RABGAP1L: variants seen among roughly 807,000 people sequenced by gnomAD.
RABGAP1L encodes the protein rab GTPase-activating protein 1-like.
A neutral mutation model predicts 137.7 loss-of-function variants in RABGAP1L; 63 were observed. The ratio of observed to expected loss-of-function variants is 0.46; its 90% CI spans 0.37 to 0.56. The LOEUF (loss-of-function observed/expected upper bound fraction) is 0.56, where lower values mean the gene tolerates loss of function less well. Ranked by LOEUF, RABGAP1L falls within the 20% of genes least tolerant of loss-of-function variation. RABGAP1L has a pLI of 0.00. For synonymous variants in RABGAP1L, 431 were observed against 433.7 expected (o/e 0.99, Z 0.08); for missense variants, 1,095 against 1,244.0 (o/e 0.88, Z 1.80).
chr1:174,658,074 C>T (rs1228352419), intron 14 of RABGAP1L, among the ~76,000 whole-genome samples: 1 of 152,138 alleles, frequency 6.6e-6, no homozygotes. Context: ...TGTTAGTTTT[C>T]AAGGTTATCA....
rs1667275182 is a variant in RABGAP1L at position 174,948,701 on chromosome 1, A to C, written c.2341-8756A>C. ...TCCACAAATATTAAGATTAAAAAAA[A>C]GATAAAGGTGACTGATCATACCTCA... On this transcript the variant is annotated intron_variant, in intron 19 of 25. Transcript: ENST00000681986. 3 of 152,140 alleles carry C rather than the reference A, an allele frequency of 2.0e-5. No homozygotes were observed. In the South Asian group the frequency reaches 6.2e-4, roughly 31 times the overall value. The allele number at this position is 152,140 out of a possible 1,614,324, so 9.4% of individuals were successfully genotyped here.
At chr1:174,321,767 C>A (rs531859143) in intron 11 of RABGAP1L, among the ~76,000 whole-genome samples, 3 of 152,170 alleles carry the variant, frequency 2.0e-5, no homozygotes, top group East Asian at 1.9e-4. Flanking sequence ...TTTGGCCTTA[C>A]TAGTTTAAAA....
intron 13 of RABGAP1L, among the ~76,000 whole-genome samples, chr1:174,557,159 AT>A (rs1482349480): frequency 6.6e-6 from 1 of 152,068 alleles, no homozygotes; most frequent in Non-Finnish European, 1.5e-5. Context: ...ATTTCCCATG[AT>A]TTTCCTAAGT....
intron 11 of RABGAP1L, among the ~76,000 whole-genome samples, chr1:174,370,590 G>C (rs1361384659): frequency 7.6e-6 from 1 of 131,322 alleles, no homozygotes; most frequent in Non-Finnish European, 1.6e-5. Context: ...GTTATATTTA[G>C]GTATATATGT....
At chr1:174,850,983 C>G (rs1000707455) in intron 19 of RABGAP1L, among the ~76,000 whole-genome samples, 2 of 152,166 alleles carry the variant, frequency 1.3e-5, no homozygotes, top group African/African-American at 4.8e-5. Context: ...CTGGCCAAAT[C>G]CTTGCAACCT....
rs116706532 is a variant in RABGAP1L at position 174,445,323 on chromosome 1, T to C, written c.1710+51178T>C. On this transcript the variant is annotated intron_variant, in intron 13 of 25. Coordinates refer to ENST00000681986, the MANE Select transcript of RABGAP1L (RefSeq NM_001366446.1). The stretch of plus-strand genomic sequence containing the variant: ...CATCAAATATTTGATTAAATTAATT[T>C]GCATTGTTCTAATTTAGGTATGTGT... Among the ~76,000 whole-genome samples the C allele has an allele frequency of 1.3e-3, 201 of 152,334 alleles. 1 individual carries two copies. Among genetic ancestry groups the C allele is most frequent in the African/African-American group, 4.5e-3 (187 of 41,590 alleles).
intron 18 of RABGAP1L, among the ~76,000 whole-genome samples, chr1:174,792,535 A>G (rs1292941161): frequency 6.6e-6 from 1 of 152,240 alleles, no homozygotes. Flanking sequence ...TCTAACCACA[A>G]AAGGAAAAAC....
At chr1:174,368,369 GAT>G (rs1381722901) in intron 11 of RABGAP1L, among the ~76,000 whole-genome samples, 2 of 152,114 alleles carry the variant, frequency 1.3e-5, no homozygotes, top group African/African-American at 4.8e-5. Flanking sequence ...TTGATCAAAT[GAT>G]ATATTAACTT....
chr1:174,716,368 A>C (rs778833585), intron 17 of RABGAP1L, among the ~76,000 whole-genome samples: 113 of 152,278 alleles, frequency 7.4e-4, no homozygotes, highest in Admixed American at 2.4e-3. Context: ...TACAGCCTTG[A>C]AATCCTGGGC....
chr1:174,253,132 A>G (rs1334478609), intron 7 of RABGAP1L, among the ~76,000 whole-genome samples: 1 of 152,206 alleles, frequency 6.6e-6, no homozygotes, highest in Non-Finnish European at 1.5e-5. Context: ...CAATATACAT[A>G]AATTTCTTAA....
chr1:174,898,041 C>G (rs1438022937), intron 19 of RABGAP1L: 1 of 150,224 alleles, frequency 6.7e-6, no homozygotes, highest in Non-Finnish European at 1.5e-5. Context: ...TCACTGACTT[C>G]AATGAGGAGA....
At chr1:174,586,081 T>A (rs1321701650) in intron 13 of RABGAP1L, among the ~76,000 whole-genome samples, 2 of 152,184 alleles carry the variant, frequency 1.3e-5, no homozygotes, top group Non-Finnish European at 2.9e-5. Context: ...ATGCGTATGT[T>A]CATTGCAGCA....
rs146433743 is a variant in RABGAP1L, at chr1:174,572,318, C to T, written c.1711-65057C>T. 9.7e-4 allele frequency among the ~76,000 whole-genome samples: 148 copies of T among 152,224 alleles called. 1 individual carries two copies. Among genetic ancestry groups the T allele is most frequent in the African/African-American group, 3.2e-3 (132 of 41,544 alleles). ...AAGGAAGAAATGTTAAATGTTATTA[C>T]GCTTGACCTGTTTTCTTGTTAACAT... On this transcript the variant is annotated intron_variant, in intron 13 of 25. Transcript: ENST00000681986.
intron 10 of RABGAP1L, among the ~76,000 whole-genome samples, chr1:174,292,785 T>C (rs1571947788): frequency 6.6e-6 from 1 of 152,212 alleles, no homozygotes; most frequent in East Asian, 1.9e-4. Flanking sequence ...GATTTTCCTG[T>C]GATCTTTACT....
At chr1:174,857,446 G>A (rs190926420) in intron 19 of RABGAP1L, among the ~76,000 whole-genome samples, 1 of 152,112 alleles carries the variant, frequency 6.6e-6, no homozygotes, top group Non-Finnish European at 1.5e-5. Flanking sequence ...CATTTCCCCA[G>A]CTGTAAATCA....
intron 18 of RABGAP1L, among the ~76,000 whole-genome samples, chr1:174,770,268 A>G (rs2148726652): frequency 6.6e-6 from 1 of 152,324 alleles, no homozygotes; most frequent in African/African-American, 2.4e-5. Context: ...TCAAGATGCT[A>G]TCTAGTAAAT....
rs185140309 is a variant in RABGAP1L at position 174,843,742 on chromosome 1, C to G, written c.2340+31782C>G. On this transcript the variant is annotated intron_variant, in intron 19 of 25. Transcript: ENST00000681986. ...ATTTATAGTCATTTGGGTATATACC[C>G]AGTAATGGGATGGCTGGGTCAAATG... is the stretch of plus-strand genomic sequence containing the variant. 9.1e-3 allele frequency among the ~76,000 whole-genome samples: 847 copies of G among 93,420 alleles called. 2 individuals are homozygous for G. The highest frequency in any genetic ancestry group is 0.052 in the Middle Eastern group (12 of 230). 61.3% of individuals were successfully genotyped at this position (93,420 alleles called of 152,430 possible).
chr1:174,257,950 TATATCCA>T (rs1673259773), intron 7 of RABGAP1L, among the ~76,000 whole-genome samples: 1 of 152,220 alleles, frequency 6.6e-6, no homozygotes, highest in African/African-American at 2.4e-5. Flanking sequence ...CTTGGACTCA[TATATCCA>T]ACAGTAATTA....
chr1:174,390,259 G>A (rs1687116124), intron 12 of RABGAP1L, among the ~76,000 whole-genome samples: 1 of 152,112 alleles, frequency 6.6e-6, no homozygotes, highest in Admixed American at 6.5e-5. Context: ...AAGATAAATA[G>A]TGCTTTGATT....
Sources: gnomAD v4.1 joint callset for allele counts (sites outside exome capture counted in the v4.1 genomes callset) on GRCh38, gnomAD v4.1.1 for gene constraint, MANE v1.5 for transcripts, NCBI Gene and HGNC (gene_info 2026-07-23, HGNC 2026-07-21) for gene names.